KIF1C: variants seen among roughly 807,000 people sequenced by gnomAD.
KIF1C encodes kinesin-like protein KIF1C.
In KIF1C, 61 loss-of-function variants were observed where a neutral mutation model predicts 126.5. The observed-to-expected ratio is 0.48, with a 90% CI of 0.39 to 0.60. The LOEUF (loss-of-function observed/expected upper bound fraction) is 0.60. Ranked by LOEUF, KIF1C falls within the 20% of genes least tolerant of loss-of-function variation. KIF1C has a pLI of 0.00. For synonymous variants in KIF1C, 640 were observed against 580.6 expected (o/e 1.10, Z -1.47); for missense variants, 1,315 against 1,489.2 (o/e 0.88, Z 1.93).
At chr17:5,000,896 T>C (rs910512412) in intron 4 of KIF1C, 48 bp downstream of exon 4, 3 of 1,556,300 alleles carry the variant, frequency 1.9e-6, no homozygotes, top group Non-Finnish European at 2.7e-6. Context: ...AGACAGAGGA[T>C]TTAGGTCCTG....
At chr17:5,003,478 G>C (rs572895087) in intron 8 of KIF1C, 134 bp from the exon 9 acceptor site, 2 of 616,760 alleles carry the variant, frequency 3.2e-6, no homozygotes, top group Admixed American at 5.9e-5. Context: ...TGTTTCCCCC[G>C]GCCTCCTCCC....
intron 16 of KIF1C, among the ~76,000 whole-genome samples, chr17:5,008,802 C>A (rs1362789990): frequency 1.3e-5 from 2 of 152,190 alleles, no homozygotes; most frequent in Non-Finnish European, 2.9e-5. Flanking sequence ...CCCAGCCACA[C>A]CTAGGTGGAA....
At position 5,023,685 on chromosome 17, in the gene KIF1C, T is replaced by C; in HGVS notation, c.2846T>C (p.Leu949Pro). The change falls in exon 23 of 23, where the codon CTG (leucine) becomes CCG (proline). Residue 949 changes from leucine (L) to proline (P), a missense_variant. Around this residue, in one of 2 missense-constraint regions of KIF1C, gnomAD observed 441 missense variants for 436.1 expected, o/e 1.01. Transcript: ENST00000320785. The surrounding 1 kb of genome is among the most constrained non-coding windows in gnomAD (Gnocchi z 4.2). Reference sequence around the variant, plus strand: ...TGGCTCAAGCAGGAGCAGCTACGGCTGCAGGGACTGCAGGGCTCTGGGGGC... The same window carrying C: ...TGGCTCAAGCAGGAGCAGCTACGGCCGCAGGGACTGCAGGGCTCTGGGGGC... ...LRWLKQEQLRLQGLQGSGGRG... is the reference protein window; with the variant it reads ...LRWLKQEQLRPQGLQGSGGRG... 1 of 1,597,960 alleles carries C rather than the reference T, an allele frequency of 6.3e-7. No individual in the cohort carries two copies.
chr17:5,025,997 TTGACCCACTTGAAGCTC>T lies in KIF1C; in HGVS notation c.*1850_*1866del, dbSNP rs1975202655. 6.6e-6 allele frequency: 1 copy of T among 152,176 alleles called. No individual in the cohort carries two copies. Among genetic ancestry groups the T allele is most frequent in the Non-Finnish European group, 1.5e-5 (1 of 68,032 alleles). 9.4% of individuals were successfully genotyped at this position (152,176 alleles called of 1,614,324 possible). A position where few individuals can be genotyped will look rare whatever the true frequency, so the allele number is the denominator to read the frequency against. Reference sequence around the variant, plus strand: ...TTCATCCTGTTCTCAGGAAAACACTTTGACCCACTTGAAGCTCTGAGCTACTGCTTCACAGCTTCCTG... The same window carrying T: ...TTCATCCTGTTCTCAGGAAAACACTTTGAGCTACTGCTTCACAGCTTCCTG... On this transcript the variant is annotated 3_prime_UTR_variant, in exon 23 of 23. Transcript: ENST00000320785.
chr17:5,007,464 CAG>C lies in KIF1C; in HGVS notation c.1417_1418del. ...CTGACATTTGCCTCTCCTCTGCCCACAGAGAAGCATTGCTGGCTGAGATGGGG... is the reference window on the plus strand; with the variant it reads ...CTGACATTTGCCTCTCCTCTGCCCACAGAAGCATTGCTGGCTGAGATGGGG... On this transcript the variant is annotated splice_acceptor_variant, in intron 15 of 22. Coordinates refer to ENST00000320785, the MANE Select transcript of KIF1C (RefSeq NM_006612.6). LOFTEE classifies it high-confidence loss of function. 1 of 1,595,348 alleles carries C rather than the reference CAG, an allele frequency of 6.3e-7. No individual in the cohort carries two copies. The highest frequency in any genetic ancestry group is 8.5e-7 in the Non-Finnish European group (1 of 1,169,616).
rs1223741114 is a variant in KIF1C, at chr17:5,024,437, T to TG, written c.*292dup. The TG allele has an allele frequency of 2.9e-5, 4 of 138,334 alleles. No individual in the cohort carries two copies. Among genetic ancestry groups the TG allele is most frequent in the African/African-American group, 6.5e-5 (1 of 15,470 alleles). 8.6% of individuals were successfully genotyped at this position (138,334 alleles called of 1,614,324 possible). On this transcript the variant is annotated 3_prime_UTR_variant, in exon 23 of 23. Coordinates refer to ENST00000320785, the MANE Select transcript of KIF1C (RefSeq NM_006612.6). The stretch of plus-strand genomic sequence containing the variant: ...CCCACAAACGCTGCTATGGGTGGGG[T>TG]GGGGGGCTGGGGTGCTGCGTAGCCA...
At chr17:5,010,280 A>G (rs76406110) in intron 16 of KIF1C, among the ~76,000 whole-genome samples, 2,256 of 152,060 alleles carry the variant, frequency 0.015, 50 homozygotes, top group East Asian at 0.05. Context: ...AGGGTATTCT[A>G]TTGTGTAGAT....
Position 5,022,010 on chromosome 17 carries a change from T to C in KIF1C, c.2011-82T>C. 1 of 1,451,942 alleles carries C rather than the reference T, an allele frequency of 6.9e-7. No individual in the cohort carries two copies. Among genetic ancestry groups the C allele is most frequent in the Non-Finnish European group, 9.2e-7 (1 of 1,086,496 alleles). 89.9% of individuals were successfully genotyped at this position (1,451,942 alleles called of 1,614,324 possible). On this transcript the variant is annotated intron_variant, in intron 21 of 22. Coordinates refer to ENST00000320785, the MANE Select transcript of KIF1C (RefSeq NM_006612.6). The surrounding 1 kb of genome is among the most constrained non-coding windows in gnomAD (Gnocchi z 4.9). The stretch of plus-strand genomic sequence containing the variant: ...GGCTCCCTGATGGGCGTGTTTCCAG[T>C]GTACTTAGGACACACTGGGCCAAGA...
At chr17:5,004,116 C>A in intron 11 of KIF1C, 43 bp downstream of exon 11, 2 of 1,348,578 alleles carry the variant, frequency 1.5e-6, no homozygotes, top group Non-Finnish European at 2.1e-6. Context: ...TGACACATCC[C>A]ACAAACTCTT....
At chr17:5,005,414 A>C (rs917747892) in intron 13 of KIF1C, among the ~76,000 whole-genome samples, 2 of 152,220 alleles carry the variant, frequency 1.3e-5, no homozygotes, top group Non-Finnish European at 2.9e-5. Flanking sequence ...CTGGTATGTC[A>C]TGCTCAGCCT....
At chr17:5,001,571 T>G (rs1414216122) in intron 5 of KIF1C, among the ~76,000 whole-genome samples, 170 bp downstream of exon 5, 1 of 149,858 alleles carries the variant, frequency 6.7e-6, no homozygotes, top group East Asian at 1.9e-4. Flanking sequence ...GGTGGGAGGG[T>G]CTTCGCCCCT....
At chr17:5,019,456 G>A (rs1975044443) in intron 18 of KIF1C, 1 of 169,820 alleles carries the variant, frequency 5.9e-6, no homozygotes, top group South Asian at 2.0e-4. Context: ...CAGGCTCAGT[G>A]ATTTGTACTG....
intron 16 of KIF1C, among the ~76,000 whole-genome samples, chr17:5,011,016 A>G (rs1052647257): frequency 2.0e-5 from 3 of 152,008 alleles, no homozygotes; most frequent in Non-Finnish European, 4.4e-5. Context: ...CAAGGGTAAC[A>G]TACAAGAGAG....
chr17:5,017,583 C>G (rs111821911), intron 18 of KIF1C, among the ~76,000 whole-genome samples: 1 of 152,106 alleles, frequency 6.6e-6, no homozygotes, highest in African/African-American at 2.4e-5. Context: ...GGATTATAGG[C>G]GTGAGCCACG....
At chr17:5,005,362 T>C (rs1974702902) in intron 13 of KIF1C, among the ~76,000 whole-genome samples, 1 of 152,090 alleles carries the variant, frequency 6.6e-6, no homozygotes, top group African/African-American at 2.4e-5. Context: ...AACGTCAGAG[T>C]TGAAGTGGAC....
Position 5,003,880 on chromosome 17 carries a change from T to C in KIF1C, c.828T>C (p.Thr276=), listed in dbSNP as rs748631829. The change falls in exon 10 of 23, where the codon ACT becomes ACC. Residue 276 remains threonine, a synonymous_variant. Transcript: ENST00000320785. ...GAGCCAACATCAATAAGTCCCTGAC[T>C]ACACTAGGGAAAGTGATCTCGGCCC... ...KEGANINKSL[T]TLGKVISALA... 6 of 1,613,752 alleles carry C rather than the reference T, an allele frequency of 3.7e-6. No individual in the cohort carries two copies. In the African/African-American group the frequency reaches 6.7e-5, roughly 18 times the overall value.
rs1975171097 is a variant in KIF1C, at chr17:5,024,463, G to C, written c.*312G>C. 4 of 328,180 alleles carry C rather than the reference G, an allele frequency of 1.2e-5. No individual in the cohort carries two copies. The highest frequency in any genetic ancestry group is 4.7e-5 in the Admixed American group (1 of 21,272). 20.3% of individuals were successfully genotyped at this position (328,180 alleles called of 1,614,324 possible). ...GGGGGGCTGGGGTGCTGCGTAGCCA[G>C]TGTTTGACTTTCTTTTCAAGTGGGG... is the stretch of plus-strand genomic sequence containing the variant. On this transcript the variant is annotated 3_prime_UTR_variant, in exon 23 of 23. Transcript: ENST00000320785.
Position 5,023,461 on chromosome 17 carries a change from C to T in KIF1C, c.2629-7C>T. On this transcript the variant is annotated splice_region_variant and splice_polypyrimidine_tract_variant and intron_variant, in intron 22 of 22. Transcript: ENST00000320785. The surrounding 1 kb of genome is among the most constrained non-coding windows in gnomAD (Gnocchi z 4.2). ...TCCCTTCTCCTTTTCTCACTCCTCC[C>T]TCCCAGGATCATGAGGATGAGAATG... 1.2e-6 allele frequency: 2 copies of T among 1,612,406 alleles called. No individual in the cohort carries two copies. Among genetic ancestry groups the T allele is most frequent in the Non-Finnish European group, 1.7e-6 (2 of 1,178,616 alleles).
Position 5,023,474 on chromosome 17 carries a change from G to A in KIF1C, c.2635G>A (p.Glu879Lys). 2 of 1,613,790 alleles carry A rather than the reference G, an allele frequency of 1.2e-6. No individual in the cohort carries two copies. Among genetic ancestry groups the A allele is most frequent in the South Asian group, 2.2e-5 (2 of 91,076 alleles). Residue 879 changes from glutamate to lysine, a missense_variant, in exon 23 of 23, where the codon GAG (glutamate) becomes AAG (lysine). This residue lies in a region of KIF1C where 441 missense variants were observed against 436.1 expected (regional missense o/e 1.01). Transcript: ENST00000320785. This position sits in a 1 kb window ranked among gnomAD's most constrained non-coding sequence, Gnocchi z 4.2. ...TCTCACTCCTCCCTCCCAGGATCAT[G>A]AGGATGAGAATGAAGAAGGTGGTGA... Reference protein sequence around the residue: ...ERVIPLAQDHEDENEEGGEVP... With the variant: ...ERVIPLAQDHKDENEEGGEVP...
Sources: allele counts gnomAD v4.1 joint callset (sites outside exome capture counted in the v4.1 genomes callset), GRCh38; gene constraint gnomAD v4.1.1; regional missense constraint gnomAD v4.1.1; non-coding constraint Gnocchi (gnomAD v3.1); transcripts MANE v1.5; gene names NCBI Gene and HGNC (gene_info 2026-07-23, HGNC 2026-07-21).